The following PTPRD variants were observed in gnomAD, a reference collection of about 807,000 sequenced individuals.
PTPRD encodes the protein receptor-type tyrosine-protein phosphatase delta.
PTPRD carries 34 observed loss-of-function variants against 214.5 expected under a neutral mutation model. That is an observed-to-expected ratio of 0.16 (90% confidence interval 0.12 to 0.21). PTPRD has a LOEUF of 0.21. Ranked by LOEUF, PTPRD falls within the 10% of genes least tolerant of loss-of-function variation. The probability of loss-of-function intolerance (pLI) is 1.00; values close to 1 mark genes in which losing one functional copy is unlikely to be tolerated. For missense variants in PTPRD, 2,545 were observed against 2,398.7 expected (o/e 1.06, Z -1.27); for synonymous variants, 1,128 against 845.7 (o/e 1.33, Z -5.79).
chr9:9,395,780 A>C (rs1428259339), intron 9 of PTPRD, among the ~76,000 whole-genome samples: 1 of 152,046 alleles, frequency 6.6e-6, no homozygotes, highest in African/African-American at 2.4e-5. Context: ...CGAAACCAAA[A>C]GCATTTTATC....
At chr9:10,407,789 T>C (rs1445793792) in intron 2 of PTPRD, among the ~76,000 whole-genome samples, 2 of 151,586 alleles carry the variant, frequency 1.3e-5, no homozygotes, top group African/African-American at 2.4e-5. Context: ...TCTAATAAAA[T>C]GGTAACCTGC....
intron 3 of PTPRD, among the ~76,000 whole-genome samples, chr9:10,263,573 G>C: frequency 6.6e-6 from 1 of 152,134 alleles, no homozygotes; most frequent in East Asian, 1.9e-4. Context: ...TTGAACTTGA[G>C]AGAGATGATT....
chr9:9,369,985 C>G (rs1360453374), intron 9 of PTPRD, among the ~76,000 whole-genome samples: 2 of 152,080 alleles, frequency 1.3e-5, no homozygotes, highest in Non-Finnish European at 2.9e-5. Flanking sequence ...TGTTTTGGTA[C>G]CATTACCACG....
intron 2 of PTPRD, among the ~76,000 whole-genome samples, chr9:10,440,166 C>T (rs1075897): frequency 0.1 from 15,181 of 151,400 alleles, 1,339 homozygotes; most frequent in African/African-American, 0.23. Flanking sequence ...AATAAATGTA[C>T]TTTACTAGAA....
intron 9 of PTPRD, among the ~76,000 whole-genome samples, chr9:9,198,232 G>A (rs972285892): frequency 1.3e-5 from 2 of 152,024 alleles, no homozygotes; most frequent in African/African-American, 2.4e-5. Flanking sequence ...TTTTCACTGG[G>A]AGATTTTTAG....
chr9:8,784,338 C>G (rs1473338177), intron 11 of PTPRD, among the ~76,000 whole-genome samples: 2 of 152,174 alleles, frequency 1.3e-5, no homozygotes, highest in Admixed American at 6.5e-5. Context: ...ATTTCTTAAA[C>G]GTAAATGCAT....
chr9:8,552,474 C>T lies in PTPRD; in HGVS notation c.353-23695G>A, dbSNP rs2082397081. On this transcript the variant is annotated intron_variant, in intron 14 of 45. Coordinates refer to ENST00000381196, the MANE Select transcript of PTPRD (RefSeq NM_002839.4). The stretch of plus-strand genomic sequence containing the variant: ...CTCAGTGAGGTGCATGGAAAGAGGA[C>T]AGAGGCATTCACACCAAACCACCTT... 3.9e-5 allele frequency among the ~76,000 whole-genome samples: 6 copies of T among 152,246 alleles called. No individual in the cohort carries two copies. The South Asian group carries it at 1.2e-3, about 32-fold the overall frequency.
intron 7 of PTPRD, among the ~76,000 whole-genome samples, chr9:9,667,285 T>A (rs1225891549): frequency 1.3e-5 from 2 of 152,030 alleles, no homozygotes; most frequent in Non-Finnish European, 2.9e-5. Context: ...ATTCTATTAT[T>A]TCCCCAAGCC....
At chr9:9,081,081 G>C (rs1262668034) in intron 10 of PTPRD, among the ~76,000 whole-genome samples, 2 of 151,918 alleles carry the variant, frequency 1.3e-5, no homozygotes, top group Non-Finnish European at 2.9e-5. Flanking sequence ...TTTTAATTGT[G>C]ATGTTAGGGT....
At chr9:8,548,770 C>T (rs754236075) in intron 14 of PTPRD, among the ~76,000 whole-genome samples, 20 of 142,924 alleles carry the variant, frequency 1.4e-4, no homozygotes, top group East Asian at 8.7e-4. Context: ...TCTCGGCTCA[C>T]GGCAACCTCC....
At chr9:9,278,762 A>G (rs1236104547) in intron 9 of PTPRD, among the ~76,000 whole-genome samples, 1 of 151,358 alleles carries the variant, frequency 6.6e-6, no homozygotes, top group African/African-American at 2.4e-5. Context: ...AATAACGTTT[A>G]CTTTCAAGTG....
chr9:10,169,703 A>G (rs1333938652), intron 3 of PTPRD, among the ~76,000 whole-genome samples: 2 of 152,134 alleles, frequency 1.3e-5, no homozygotes, highest in Non-Finnish European at 2.9e-5. Flanking sequence ...TAGCTGCAGG[A>G]AATACCAGAA....
chr9:10,161,177 A>G (rs897314452), intron 3 of PTPRD, among the ~76,000 whole-genome samples: 2 of 151,838 alleles, frequency 1.3e-5, no homozygotes, highest in South Asian at 4.1e-4. Flanking sequence ...CCCAATGAAA[A>G]CACCAATAAC....
intron 14 of PTPRD, among the ~76,000 whole-genome samples, chr9:8,545,437 C>G (rs565420371): frequency 6.6e-6 from 1 of 152,256 alleles, no homozygotes; most frequent in South Asian, 2.1e-4. Flanking sequence ...AAATGGAAAA[C>G]TTCTCAACAA....
At chr9:8,921,628 G>A (rs2098828591) in intron 11 of PTPRD, among the ~76,000 whole-genome samples, 1 of 151,920 alleles carries the variant, frequency 6.6e-6, no homozygotes, top group East Asian at 1.9e-4. Context: ...TGAGTAGCTG[G>A]GATTACAGGT....
chr9:10,341,636 CAT>C (rs756264338), intron 2 of PTPRD, among the ~76,000 whole-genome samples: 34 of 152,038 alleles, frequency 2.2e-4, no homozygotes, highest in Non-Finnish European at 4.0e-4. Flanking sequence ...AGAAATGAAA[CAT>C]GTGGCTTTAG....
intron 3 of PTPRD, among the ~76,000 whole-genome samples, chr9:10,241,414 C>G: frequency 6.6e-6 from 1 of 151,880 alleles, no homozygotes; most frequent in East Asian, 1.9e-4. Flanking sequence ...TTCATAGAAG[C>G]TTTGTCTGTA....
chr9:9,593,061 A>G (rs1206463541), intron 7 of PTPRD, among the ~76,000 whole-genome samples: 3 of 151,300 alleles, frequency 2.0e-5, no homozygotes, highest in South Asian at 2.1e-4. Context: ...AAAGAGAAAG[A>G]GAGAAAGAAA....
intron 8 of PTPRD, among the ~76,000 whole-genome samples, chr9:9,469,326 C>T (rs2094434615): frequency 6.6e-6 from 1 of 152,054 alleles, no homozygotes; most frequent in Non-Finnish European, 1.5e-5. Context: ...TAGAAATAAT[C>T]TGAAACTGTT....
Sources: allele counts gnomAD v4.1 joint callset (sites outside exome capture counted in the v4.1 genomes callset), GRCh38; gene constraint gnomAD v4.1.1; transcripts MANE v1.5; gene names NCBI Gene and HGNC (gene_info 2026-07-23, HGNC 2026-07-21).